The following ADAMTSL3 variants were observed in gnomAD, a reference collection of about 807,000 sequenced individuals.
ADAMTSL3 encodes ADAMTS like 3, also known as ADAMTS-like protein 3.
ADAMTSL3 carries 128 observed loss-of-function variants against 201.7 expected under a neutral mutation model. That is an observed-to-expected ratio of 0.63 (90% CI 0.55 to 0.73). The LOEUF (loss-of-function observed/expected upper bound fraction) is 0.73, where lower values mean the gene tolerates loss of function less well. Among genes scored for constraint, ADAMTSL3 ranks in the 30% least tolerant of loss-of-function variants. ADAMTSL3 has a pLI of 0.00. For synonymous variants in ADAMTSL3, 738 were observed against 748.4 expected (o/e 0.99, Z 0.23); for missense variants, 1,990 against 2,119.6 (o/e 0.94, Z 1.20).
chr15:83,822,844 G>A (rs2063913268), intron 6 of ADAMTSL3, among the ~76,000 whole-genome samples: 1 of 151,918 alleles, frequency 6.6e-6, no homozygotes, highest in Non-Finnish European at 1.5e-5. Flanking sequence ...CAAGGCAGGC[G>A]GCTGGGAGGT....
intron 5 of ADAMTSL3, among the ~76,000 whole-genome samples, chr15:83,818,267 A>T (rs923614542): frequency 1.3e-5 from 2 of 152,166 alleles, no homozygotes; most frequent in African/African-American, 4.8e-5. Flanking sequence ...AAGTTTTTAG[A>T]ATGAATATTT....
intron 23 of ADAMTSL3, among the ~76,000 whole-genome samples, chr15:84,006,205 G>A (rs937603052): frequency 2.0e-5 from 3 of 152,022 alleles, no homozygotes; most frequent in Non-Finnish European, 4.4e-5. Flanking sequence ...GACTCCCTTT[G>A]TCTATCCTGT....
chr15:83,935,045 G>T (rs2066437905), intron 17 of ADAMTSL3, among the ~76,000 whole-genome samples: 1 of 152,142 alleles, frequency 6.6e-6, no homozygotes, highest in African/African-American at 2.4e-5. Flanking sequence ...ACTCAGACAG[G>T]TGGGAAGAGG....
At chr15:83,752,074 A>G (rs932422795) in intron 3 of ADAMTSL3, among the ~76,000 whole-genome samples, 2 of 152,236 alleles carry the variant, frequency 1.3e-5, no homozygotes, top group Non-Finnish European at 2.9e-5. Flanking sequence ...ATGCAATTGA[A>G]GAAAATATTA....
intron 3 of ADAMTSL3, among the ~76,000 whole-genome samples, chr15:83,706,059 C>A (rs922099444): frequency 1.3e-5 from 2 of 152,138 alleles, no homozygotes; most frequent in Admixed American, 1.3e-4. Context: ...TGCCTTCCCC[C>A]TTCCCTTGAT....
chr15:83,701,743 C>T lies in ADAMTSL3; in HGVS notation c.70-2646C>T, dbSNP rs150585999. ...GATTCTGAGGCCTCCCCAGCCATGT[C>T]GAACTGTAAGTCCAATTAAACCTCT... On this transcript the variant is annotated intron_variant, in intron 2 of 29. Transcript: ENST00000286744. Among the ~76,000 whole-genome samples the T allele has an allele frequency of 4.0e-3, 616 of 152,230 alleles. 2 individuals are homozygous for T. The highest frequency in any genetic ancestry group is 4.8e-3 in the Non-Finnish European group (326 of 68,012).
chr15:83,864,605 A>G (rs1004023578), intron 8 of ADAMTSL3, among the ~76,000 whole-genome samples: 5 of 152,170 alleles, frequency 3.3e-5, no homozygotes, highest in South Asian at 4.1e-4. Context: ...GTATTGATGG[A>G]ACGTATCTCA....
chr15:83,853,377 G>A (rs1034451169), intron 7 of ADAMTSL3, among the ~76,000 whole-genome samples: 2 of 151,816 alleles, frequency 1.3e-5, no homozygotes, highest in Non-Finnish European at 2.9e-5. Flanking sequence ...TCAGTCATAC[G>A]GTGCTGACTG....
intron 4 of ADAMTSL3, among the ~76,000 whole-genome samples, chr15:83,777,495 G>C (rs2141769818): frequency 6.6e-6 from 1 of 152,248 alleles, no homozygotes; most frequent in Middle Eastern, 3.4e-3. Context: ...TCCAGGTATT[G>C]GGAGCTGAGT....
chr15:83,900,318 A>G (rs2065699192), intron 15 of ADAMTSL3, among the ~76,000 whole-genome samples: 1 of 152,232 alleles, frequency 6.6e-6, no homozygotes. Flanking sequence ...AATGACTACC[A>G]TCTGCATGTG....
intron 4 of ADAMTSL3, among the ~76,000 whole-genome samples, chr15:83,784,923 G>A (rs1432189886): frequency 2.0e-5 from 3 of 151,426 alleles, no homozygotes; most frequent in Non-Finnish European, 4.4e-5. Context: ...AAACTTAATT[G>A]TGTGTGTGTA....
chr15:83,844,547 T>C (rs2141994724), intron 7 of ADAMTSL3, among the ~76,000 whole-genome samples: 1 of 152,350 alleles, frequency 6.6e-6, no homozygotes, highest in South Asian at 2.1e-4. Flanking sequence ...TTCTGGCTGG[T>C]CATACTCTTC....
rs1567169975 is a variant in ADAMTSL3, at chr15:83,823,965, T to TTCA, written c.600+3920_600+3921insATC. Among the ~76,000 whole-genome samples the TTCA allele has an allele frequency of 1.1e-3, 82 of 73,276 alleles. 5 individuals carry two copies. Among genetic ancestry groups the TTCA allele is most frequent in the South Asian group, 6.0e-3 (15 of 2,514 alleles). 48.1% of individuals were successfully genotyped at this position (73,276 alleles called of 152,430 possible). ...CTTCTTCTTCTTCTTCTTCTTCTTC[T>TTCA]TCTTCTTCTCCTCCTCCTCCTCCTC... is the stretch of plus-strand genomic sequence containing the variant. On this transcript the variant is annotated intron_variant, in intron 6 of 29. Transcript: ENST00000286744.
rs765656935 is a variant in ADAMTSL3, at chr15:83,988,752, A to G, written c.3778A>G (p.Ile1260Val). The G allele has an allele frequency of 1.2e-5, 19 of 1,609,936 alleles. No individual in the cohort carries two copies. Among genetic ancestry groups the G allele is most frequent in the African/African-American group, 6.7e-5 (5 of 74,868 alleles). The change falls in exon 22 of 30, where the codon ATA becomes GTA. Residue 1260 changes from isoleucine (I) to valine (V), a missense_variant. Coordinates refer to ENST00000286744, the MANE Select transcript of ADAMTSL3 (RefSeq NM_207517.3). ...IQNPTRKEQG[I>V]YECSVANHLG... ...GAATCCTACAAGGAAAGAACAAGGC[A>G]TATATGAATGTTCTGTAGCTAATCA...
At chr15:84,023,817 T>C (rs1012721048) in intron 26 of ADAMTSL3, among the ~76,000 whole-genome samples, 1 of 152,198 alleles carries the variant, frequency 6.6e-6, no homozygotes, top group African/African-American at 2.4e-5. Flanking sequence ...CTTCTCATCA[T>C]TTCTGTGCCA....
chr15:83,845,894 T>G (rs918792958), intron 7 of ADAMTSL3, among the ~76,000 whole-genome samples: 3 of 152,174 alleles, frequency 2.0e-5, no homozygotes, highest in Admixed American at 1.3e-4. Flanking sequence ...GTTTTTGCAC[T>G]GACCCCCTCA....
At chr15:83,793,167 T>G (rs1402626238) in intron 4 of ADAMTSL3, among the ~76,000 whole-genome samples, 1 of 152,128 alleles carries the variant, frequency 6.6e-6, no homozygotes, top group Non-Finnish European at 1.5e-5. Context: ...AAAAGGCAGT[T>G]GCTAGGGGTT....
intron 23 of ADAMTSL3, among the ~76,000 whole-genome samples, chr15:83,995,720 A>G (rs2067675640): frequency 6.6e-6 from 1 of 152,122 alleles, no homozygotes; most frequent in South Asian, 2.1e-4. Context: ...TTGGATCTCT[A>G]CATTCAGAAT....
intron 27 of ADAMTSL3, among the ~76,000 whole-genome samples, chr15:84,030,156 C>T (rs2068377838): frequency 6.6e-6 from 1 of 152,180 alleles, no homozygotes; most frequent in Non-Finnish European, 1.5e-5. Flanking sequence ...GGTGCATTGC[C>T]TAGTGGAGCT....
Sources: allele counts gnomAD v4.1 joint callset (sites outside exome capture counted in the v4.1 genomes callset), GRCh38; gene constraint gnomAD v4.1.1; transcripts MANE v1.5; gene names NCBI Gene and HGNC (gene_info 2026-07-23, HGNC 2026-07-21).